MYO6: variants seen among roughly 807,000 people sequenced by gnomAD.
MYO6 encodes the protein unconventional myosin-VI.
In MYO6, 74 loss-of-function variants were observed where a neutral mutation model predicts 178.7. The observed-to-expected ratio is 0.41, with a 90% CI of 0.34 to 0.50. MYO6 has a LOEUF of 0.50. MYO6 is among the 20% of genes least tolerant of loss of function. MYO6 has a pLI of 0.09. For missense variants in MYO6, 1,330 were observed against 1,547.4 expected (o/e 0.86, Z 2.36); for synonymous variants, 477 against 504.6 (o/e 0.95, Z 0.73).
intron 1 of MYO6, among the ~76,000 whole-genome samples, chr6:75,792,739 G>A (rs998648997): frequency 2.0e-5 from 3 of 151,884 alleles, no homozygotes; most frequent in Non-Finnish European, 4.4e-5. Flanking sequence ...TCATTATTGT[G>A]TATATTTGAA....
chr6:75,756,238 A>G (rs924178844), intron 1 of MYO6, among the ~76,000 whole-genome samples: 2 of 152,106 alleles, frequency 1.3e-5, no homozygotes, highest in African/African-American at 4.8e-5. Flanking sequence ...CAAAAAAAAA[A>G]AACAACAAGC....
chr6:75,803,926 C>G (rs1185150641), intron 1 of MYO6, among the ~76,000 whole-genome samples: 1 of 152,162 alleles, frequency 6.6e-6, no homozygotes, highest in African/African-American at 2.4e-5. Flanking sequence ...CAGGATCTTG[C>G]TCTGTCACCC....
chr6:75,841,681 G>A (rs537183202), intron 9 of MYO6, among the ~76,000 whole-genome samples: 5 of 152,166 alleles, frequency 3.3e-5, no homozygotes, highest in Non-Finnish European at 7.4e-5. Context: ...GTAACAGAGC[G>A]AGACCCTATC....
chr6:75,787,710 CTCTCTCTCTCTCTCTCTCTCTATATATA>C (rs1167895073), intron 1 of MYO6, among the ~76,000 whole-genome samples: 6 of 70,210 alleles, frequency 8.5e-5, no homozygotes, highest in African/African-American at 1.6e-4. Context: ...CTCTCTCTCT[CTCTCTCTCTCTCTCTCTCTCTATATATA>C]TATATATATA....
At chr6:75,825,248 T>G (rs1339425634) in intron 3 of MYO6, among the ~76,000 whole-genome samples, 1 of 152,208 alleles carries the variant, frequency 6.6e-6, no homozygotes, top group Non-Finnish European at 1.5e-5. Flanking sequence ...CATAATGTTC[T>G]TCGTGAATTA....
rs1015192725 is a variant in MYO6 at position 75,749,245 on chromosome 6, C to T, written c.-226C>T. ...GGGGCGCCGGCCGGCGGGCGGAGAC[C>T]GACTCGGGATCTGTCCGAGCAGGAA... On this transcript the variant is annotated 5_prime_UTR_variant, in exon 1 of 35. Coordinates refer to ENST00000369977, the MANE Select transcript of MYO6 (RefSeq NM_004999.4). 2.0e-5 allele frequency: 3 copies of T among 150,944 alleles called. No homozygotes were observed. Among genetic ancestry groups the T allele is most frequent in the South Asian group, 2.1e-4 (1 of 4,820 alleles). The allele number at this position is 150,944 out of a possible 1,614,324, so 9.4% of individuals were successfully genotyped here.
chr6:75,862,996 T>G (rs557614621), intron 16 of MYO6, among the ~76,000 whole-genome samples: 129 of 152,158 alleles, frequency 8.5e-4, no homozygotes, highest in African/African-American at 2.9e-3. Context: ...GAAGCTGAGG[T>G]GGGAGGACAG....
intron 1 of MYO6, among the ~76,000 whole-genome samples, chr6:75,759,516 C>G (rs1157447236): frequency 6.6e-6 from 1 of 151,574 alleles, no homozygotes; most frequent in Non-Finnish European, 1.5e-5. Context: ...TCTCTTCCCT[C>G]TTCCTCCGAG....
chr6:75,787,724 CTCTCTCTATATATA>C (rs1420731325), intron 1 of MYO6, among the ~76,000 whole-genome samples: 51 of 24,404 alleles, frequency 2.1e-3, no homozygotes, highest in East Asian at 5.1e-3. Flanking sequence ...CTCTCTCTCT[CTCTCTCTATATATA>C]TATATATATA....
intron 1 of MYO6, among the ~76,000 whole-genome samples, chr6:75,772,394 A>G (rs963122660): frequency 6.6e-6 from 1 of 152,172 alleles, no homozygotes; most frequent in Non-Finnish European, 1.5e-5. Context: ...AAGTCTGAAT[A>G]GCCTAATTTA....
In MYO6 at chr6:75,881,755, A is replaced by T; in HGVS notation, c.2353A>T (p.Asn785Tyr). Residue 785 changes from asparagine to tyrosine, a missense_variant, in exon 23 of 35, where the codon AAT becomes TAT. Coordinates refer to ENST00000369977, the MANE Select transcript of MYO6 (RefSeq NM_004999.4). ...CTTAGCAGAGTTGGTTAAAAGAGTC[A>T]ATCACTGGCTCACATGCAGTCGCTG... ...DHLAELVKRV[N>Y]HWLTCSRWKK... The T allele has an allele frequency of 6.2e-7, 1 of 1,614,064 alleles. No homozygotes were observed. Among genetic ancestry groups the T allele is most frequent in the Non-Finnish European group, 8.5e-7 (1 of 1,179,934 alleles).
At chr6:75,790,653 A>G (rs1408507594) in intron 1 of MYO6, among the ~76,000 whole-genome samples, 1 of 152,176 alleles carries the variant, frequency 6.6e-6, no homozygotes, top group African/African-American at 2.4e-5. Flanking sequence ...TGTTTGGATT[A>G]CAGGCGTAAG....
chr6:75,889,932 A>G, intron 25 of MYO6, 125 bp from the exon 26 acceptor site: 1 of 790,878 alleles, frequency 1.3e-6, no homozygotes, highest in Non-Finnish European at 2.1e-6. Context: ...GTAAAAAACA[A>G]TAAAAACATT....
chr6:75,795,183 T>C (rs1768676434), intron 1 of MYO6, among the ~76,000 whole-genome samples: 1 of 152,200 alleles, frequency 6.6e-6, no homozygotes, highest in African/African-American at 2.4e-5. Flanking sequence ...AATTTTGGTG[T>C]AGGCGGAAGG....
At chr6:75,905,217 A>C (rs959880919) in intron 30 of MYO6, among the ~76,000 whole-genome samples, 1 of 152,238 alleles carries the variant, frequency 6.6e-6, no homozygotes, top group Non-Finnish European at 1.5e-5. Flanking sequence ...GAGCCTACAG[A>C]GGCAGGCAGG....
intron 20 of MYO6, among the ~76,000 whole-genome samples, chr6:75,877,816 A>T (rs1175333915): frequency 6.6e-6 from 1 of 152,184 alleles, no homozygotes; most frequent in Non-Finnish European, 1.5e-5. Flanking sequence ...TCTTAAGAGT[A>T]AACTAGCTGC....
intron 5 of MYO6, 138 bp from the exon 6 acceptor site, chr6:75,832,704 G>A: frequency 1.6e-6 from 1 of 630,144 alleles, no homozygotes; most frequent in South Asian, 1.9e-5. Context: ...ACTTTTGAAT[G>A]ACTTTATTTT....
intron 20 of MYO6, among the ~76,000 whole-genome samples, chr6:75,875,537 T>A (rs1444813148): frequency 1.3e-5 from 2 of 152,206 alleles, no homozygotes; most frequent in Admixed American, 6.5e-5. Context: ...TCCTCCTCCC[T>A]CAGCCTTCCA....
chr6:75,891,731 C>A, intron 27 of MYO6, among the ~76,000 whole-genome samples: 1 of 151,914 alleles, frequency 6.6e-6, no homozygotes, highest in Non-Finnish European at 1.5e-5. Context: ...ACTAGTTTAT[C>A]CTAGAGACCA....
Sources: gnomAD v4.1 joint callset for allele counts (sites outside exome capture counted in the v4.1 genomes callset) on GRCh38, gnomAD v4.1.1 for gene constraint, MANE v1.5 for transcripts, NCBI Gene and HGNC (gene_info 2026-07-23, HGNC 2026-07-21) for gene names.